MACROD1: variants seen among roughly 807,000 people sequenced by gnomAD.
MACROD1 encodes the protein mono-ADP ribosylhydrolase 1.
In MACROD1, 31 loss-of-function variants were observed where a neutral mutation model predicts 41.4. The observed-to-expected ratio is 0.75, with a 90% confidence interval of 0.56 to 1.01. MACROD1 has a LOEUF of 1.01. Among genes scored for constraint, MACROD1 ranks in the 50% least tolerant of loss-of-function variants. The probability of loss-of-function intolerance (pLI) is 0.00; values close to 1 mark genes in which losing one functional copy is unlikely to be tolerated. For synonymous variants in MACROD1, 252 were observed against 203.4 expected, an observed-to-expected ratio of 1.24 and a Z score of -2.03; for missense variants, 473 against 460.0, an observed-to-expected ratio of 1.03 and a Z score of -0.26.
At chr11:64,093,011 G>A (rs1464668000) in intron 3 of MACROD1, among the ~76,000 whole-genome samples, 1 of 152,184 alleles carries the variant, frequency 6.6e-6, no homozygotes, top group Non-Finnish European at 1.5e-5. Flanking sequence ...TGGCCACACC[G>A]GAGTGGCTGG....
At chr11:64,007,678 C>T (rs1169567733) in intron 4 of MACROD1, among the ~76,000 whole-genome samples, 1 of 152,210 alleles carries the variant, frequency 6.6e-6, no homozygotes, top group Non-Finnish European at 1.5e-5. Flanking sequence ...CTTCTGGACA[C>T]GCCCTTCCCT....
intron 7 of MACROD1, 50 bp from the exon 8 acceptor site, chr11:63,999,454 C>T (rs761876833): frequency 3.8e-5 from 59 of 1,560,120 alleles, no homozygotes; most frequent in Non-Finnish European, 8.7e-7. Flanking sequence ...CCCGCCCACT[C>T]CCCTGTCCGC....
intron 3 of MACROD1, among the ~76,000 whole-genome samples, chr11:64,024,092 C>T (rs1943194667): frequency 6.6e-6 from 1 of 152,186 alleles, no homozygotes; most frequent in Non-Finnish European, 1.5e-5. Flanking sequence ...CCACTTATTG[C>T]TATTTTCCTA....
chr11:64,034,338 T>A (rs1590817715), intron 3 of MACROD1, among the ~76,000 whole-genome samples: 1 of 152,212 alleles, frequency 6.6e-6, no homozygotes, highest in Non-Finnish European at 1.5e-5. Flanking sequence ...CACAGGGCGG[T>A]GGCATTGTGG....
intron 3 of MACROD1, chr11:64,081,747 C>G (rs540498742): frequency 1.3e-5 from 2 of 152,214 alleles, no homozygotes; most frequent in South Asian, 4.2e-4. Flanking sequence ...CACAGCATCC[C>G]AACTCCAGGT....
intron 3 of MACROD1, among the ~76,000 whole-genome samples, chr11:64,072,905 A>G (rs1185127391): frequency 2.0e-5 from 3 of 152,144 alleles, no homozygotes; most frequent in African/African-American, 7.2e-5. Flanking sequence ...ATTTTTTCTC[A>G]AAAGAGTCAG....
intron 3 of MACROD1, among the ~76,000 whole-genome samples, chr11:64,100,199 A>G (rs1481435240): frequency 1.3e-5 from 2 of 152,212 alleles, no homozygotes; most frequent in African/African-American, 2.4e-5. Context: ...CTGGGAAAGG[A>G]CAAGGTGCAT....
At chr11:64,042,281 C>A (rs1720518987) in intron 3 of MACROD1, among the ~76,000 whole-genome samples, 1 of 152,122 alleles carries the variant, frequency 6.6e-6, no homozygotes, top group South Asian at 2.1e-4. Context: ...CCACATCTCA[C>A]CCCCACCTCT....
At chr11:64,127,376 A>G (rs1415576716) in intron 3 of MACROD1, among the ~76,000 whole-genome samples, 1 of 145,604 alleles carries the variant, frequency 6.9e-6, no homozygotes, top group African/African-American at 2.6e-5. Flanking sequence ...TCAGCGGCCC[A>G]CCCCCTCCCC....
rs58132988 is a variant in MACROD1, at chr11:64,065,316, C to T, written c.518-50035G>A. Reference sequence around the variant, plus strand: ...GGCAAGCGTCAGCTGCCTCAACATGCAGGAGGCCAGGCTTTGTTCTGAGGG... The same window carrying T: ...GGCAAGCGTCAGCTGCCTCAACATGTAGGAGGCCAGGCTTTGTTCTGAGGG... On this transcript the variant is annotated intron_variant, in intron 3 of 10. Coordinates refer to ENST00000255681, the MANE Select transcript of MACROD1 (RefSeq NM_014067.4). Among the ~76,000 whole-genome samples, 513 of 152,298 alleles carry T rather than the reference C, an allele frequency of 3.4e-3. 2 individuals are homozygous for T. The highest frequency in any genetic ancestry group is 0.012 in the African/African-American group (485 of 41,546).
rs1945491343 is a variant in MACROD1, at chr11:64,146,080, A to T, written c.517+5159T>A. 6.6e-6 allele frequency among the ~76,000 whole-genome samples: 1 copy of T among 152,036 alleles called. No homozygotes were observed. The highest frequency in any genetic ancestry group is 2.4e-5 in the African/African-American group (1 of 41,398). On this transcript the variant is annotated intron_variant, in intron 3 of 10. Transcript: ENST00000255681. This position sits in a 1 kb window ranked among gnomAD's most constrained non-coding sequence, Gnocchi z 4.7. ...CCACCGTGCCTGGCCAAGAATGGGG[A>T]TCTTTCTTTGTGCCCGGACATGTCC...
At chr11:64,046,714 G>C (rs1002713415) in intron 3 of MACROD1, among the ~76,000 whole-genome samples, 2 of 151,996 alleles carry the variant, frequency 1.3e-5, no homozygotes, top group Admixed American at 6.6e-5. Flanking sequence ...GGTCAGGCTG[G>C]CCTTGAACTC....
chr11:64,050,671 T>C (rs1481114929), intron 3 of MACROD1, among the ~76,000 whole-genome samples: 3 of 152,168 alleles, frequency 2.0e-5, no homozygotes, highest in Admixed American at 6.5e-5. Flanking sequence ...CAGGCTGGAG[T>C]GCAGTGGCGC....
At chr11:64,150,333 G>A (rs139055527) in intron 3 of MACROD1, among the ~76,000 whole-genome samples, 20 of 152,246 alleles carry the variant, frequency 1.3e-4, no homozygotes, top group Non-Finnish European at 2.9e-4. Flanking sequence ...TGGGGACGAA[G>A]GAGACTCGAG....
Position 64,152,282 on chromosome 11 carries a change from CA to C in MACROD1, c.400+9del, listed in dbSNP as rs1945592279. ...CCTGCCCACCAGGGCCTCCCCCGAG[CA>C]GGGCCTACCTTTCGCCATCTCCTTC... On this transcript the variant is annotated intron_variant, in intron 2 of 10. Coordinates refer to ENST00000255681, the MANE Select transcript of MACROD1 (RefSeq NM_014067.4). 1 of 1,613,820 alleles carries C rather than the reference CA, an allele frequency of 6.2e-7. No individual in the cohort carries two copies. Among genetic ancestry groups the C allele is most frequent in the Non-Finnish European group, 8.5e-7 (1 of 1,179,646 alleles).
intron 1 of MACROD1, among the ~76,000 whole-genome samples, chr11:64,154,150 T>G (rs1406317240): frequency 6.6e-6 from 1 of 152,088 alleles, no homozygotes; most frequent in Non-Finnish European, 1.5e-5. Flanking sequence ...AAACGCTCTT[T>G]AAGCAAGCAA....
intron 3 of MACROD1, among the ~76,000 whole-genome samples, chr11:64,088,586 G>A (rs1944435703): frequency 2.7e-5 from 4 of 149,430 alleles, no homozygotes; most frequent in Admixed American, 2.7e-4. Flanking sequence ...CCTGGAGCAG[G>A]TCTCTCCTCC....
At chr11:64,157,353 G>A (rs760498279) in intron 1 of MACROD1, among the ~76,000 whole-genome samples, 8 of 152,182 alleles carry the variant, frequency 5.3e-5, no homozygotes, top group South Asian at 4.2e-4. Context: ...CTCAGCCTCC[G>A]AAAGTGCTGG....
At chr11:64,150,456 C>T (rs1484137852) in intron 3 of MACROD1, among the ~76,000 whole-genome samples, 1 of 152,212 alleles carries the variant, frequency 6.6e-6, no homozygotes, top group Non-Finnish European at 1.5e-5. Flanking sequence ...TATTCAGGGT[C>T]TGAGAAAGAG....
Sources: gnomAD v4.1 joint callset for allele counts (sites outside exome capture counted in the v4.1 genomes callset) on GRCh38, gnomAD v4.1.1 for gene constraint, Gnocchi (gnomAD v3.1) non-coding constraint, MANE v1.5 for transcripts, NCBI Gene and HGNC (gene_info 2026-07-23, HGNC 2026-07-21) for gene names.